ESRRG: variants seen among roughly 807,000 people sequenced by gnomAD.
ESRRG encodes estrogen related receptor gamma, also known as estrogen-related receptor gamma.
Under a neutral mutation model 44.0 loss-of-function variants are expected in ESRRG, and 13 were observed. That is an observed-to-expected ratio of 0.30 (90% CI 0.19 to 0.47). ESRRG has a LOEUF of 0.47. Ranked by LOEUF, ESRRG falls within the 20% of genes least tolerant of loss-of-function variation. The pLI, the probability that ESRRG is intolerant of heterozygous loss-of-function variation, is 1.00. For missense variants in ESRRG, 395 were observed against 580.6 expected (o/e 0.68, Z 3.29); for synonymous variants, 215 against 214.6 (o/e 1.00, Z -0.02).
At chr1:216,653,383 A>T (rs1218051043) in intron 2 of ESRRG, among the ~76,000 whole-genome samples, 3 of 152,194 alleles carry the variant, frequency 2.0e-5, no homozygotes, top group Non-Finnish European at 2.9e-5. Flanking sequence ...TGCTGATTTT[A>T]AAAAATCAAT....
intron 1 of ESRRG, among the ~76,000 whole-genome samples, chr1:217,055,034 C>T (rs761401453): frequency 1.7e-4 from 26 of 152,114 alleles, no homozygotes; most frequent in Non-Finnish European, 3.5e-4. Flanking sequence ...GGTGTGCGAT[C>T]AAGAAAAGTT....
intron 1 of ESRRG, among the ~76,000 whole-genome samples, chr1:217,109,829 G>T (rs913569607): frequency 6.6e-6 from 1 of 152,134 alleles, no homozygotes; most frequent in Non-Finnish European, 1.5e-5. Context: ...AACCCTAAGA[G>T]GCTAGGGGCA....
At chr1:216,808,873 T>C (rs1451367185) in intron 2 of ESRRG, among the ~76,000 whole-genome samples, 2 of 152,188 alleles carry the variant, frequency 1.3e-5, no homozygotes, top group Non-Finnish European at 2.9e-5. Context: ...AACATCAAGT[T>C]TCATATGATA....
At chr1:216,777,768 A>G (rs549572287) in intron 2 of ESRRG, among the ~76,000 whole-genome samples, 73 of 152,232 alleles carry the variant, frequency 4.8e-4, no homozygotes, top group African/African-American at 1.7e-3. Flanking sequence ...CACATAACAC[A>G]TACACATAAA....
At chr1:216,585,846 C>A (rs1037797091) in intron 3 of ESRRG, among the ~76,000 whole-genome samples, 4 of 152,052 alleles carry the variant, frequency 2.6e-5, no homozygotes, top group African/African-American at 9.7e-5. Flanking sequence ...GGAGACCATC[C>A]TGGCTAACAT....
chr1:216,515,534 A>G (rs1175537109), intron 6 of ESRRG, among the ~76,000 whole-genome samples: 1 of 152,152 alleles, frequency 6.6e-6, no homozygotes, highest in East Asian at 1.9e-4. Flanking sequence ...CTTAAGAACA[A>G]CAGAATGCTG....
intron 1 of ESRRG, among the ~76,000 whole-genome samples, chr1:217,105,105 ACATCTAT>A (rs1157906913): frequency 6.6e-6 from 1 of 152,194 alleles, no homozygotes; most frequent in African/African-American, 2.4e-5. Context: ...TTGAGGCATG[ACATCTAT>A]CTGGACCCCT....
At chr1:216,753,175 T>TACACACAC (rs145640833) in intron 2 of ESRRG, among the ~76,000 whole-genome samples, 66 of 149,012 alleles carry the variant, frequency 4.4e-4, no homozygotes, top group African/African-American at 1.5e-3. Flanking sequence ...TATATATTGA[T>TACACACAC]ACACACACAC....
chr1:217,051,877 C>A (rs2086113195), intron 1 of ESRRG, among the ~76,000 whole-genome samples: 1 of 152,186 alleles, frequency 6.6e-6, no homozygotes, highest in Admixed American at 6.5e-5. Flanking sequence ...ATCCTCCCCC[C>A]TCAGCCTCCT....
chr1:216,917,618 A>T lies in ESRRG; in HGVS notation c.-14+21964T>A, dbSNP rs149535903. Among the ~76,000 whole-genome samples the T allele has an allele frequency of 3.9e-4, 60 of 152,266 alleles. 1 individual carries two copies. In the East Asian group the frequency reaches 0.011, roughly 28 times the overall value. On this transcript the variant is annotated intron_variant, in intron 2 of 7. Transcript: ENST00000359162. ...CAGAAATTTGTGAGTCCCTTCCTAC[A>T]ACTGTCTACCTTTCCCACAAGAGCA...
Position 216,639,267 on chromosome 1 carries a change from C to T in ESRRG, c.589+11706G>A, listed in dbSNP as rs573342184. 1.3e-4 allele frequency among the ~76,000 whole-genome samples: 20 copies of T among 152,166 alleles called. 1 individual carries two copies. The highest frequency in any genetic ancestry group is 8.3e-4 in the South Asian group (4 of 4,814). On this transcript the variant is annotated intron_variant, in intron 3 of 6. Coordinates refer to ENST00000408911, the MANE Select transcript of ESRRG (RefSeq NM_001438.4). ...AGAACAACAACAACAATCCCCCACCCGCTCCCAAAAAAGAACAAACTTAAT... is the reference window on the plus strand; with the variant it reads ...AGAACAACAACAACAATCCCCCACCTGCTCCCAAAAAAGAACAAACTTAAT...
At chr1:216,625,350 T>G (rs1574326030) in intron 3 of ESRRG, among the ~76,000 whole-genome samples, 1 of 147,894 alleles carries the variant, frequency 6.8e-6, no homozygotes, top group African/African-American at 2.5e-5. Flanking sequence ...ACCTACCAAA[T>G]GTCCCAATAG....
intron 1 of ESRRG, among the ~76,000 whole-genome samples, chr1:217,122,995 A>G (rs1461411708): frequency 6.6e-6 from 1 of 152,086 alleles, no homozygotes; most frequent in African/African-American, 2.4e-5. Flanking sequence ...CCCAGCCAGC[A>G]CACACACTTC....
Position 216,809,146 on chromosome 1 carries a change from A to G in ESRRG, c.-14+130436T>C, listed in dbSNP as rs115845222. On this transcript the variant is annotated intron_variant, in intron 2 of 7. Coordinates refer to the ESRRG transcript ENST00000359162. ...ATTTTTCCAACTATATCTTTTTGCC[A>G]ATGTTAGTGATAAGTCAAGAAGCCT... 4.1e-3 allele frequency among the ~76,000 whole-genome samples: 623 copies of G among 152,224 alleles called. 4 individuals are homozygous for G. Among genetic ancestry groups the G allele is most frequent in the African/African-American group, 0.014 (587 of 41,542 alleles).
At chr1:216,675,395 C>G (rs888166527) in intron 2 of ESRRG, among the ~76,000 whole-genome samples, 1 of 152,004 alleles carries the variant, frequency 6.6e-6, no homozygotes, top group Non-Finnish European at 1.5e-5. Context: ...AGGTGGGAGA[C>G]TGCTCTATGT....
chr1:216,548,443 T>C lies in ESRRG; in HGVS notation c.862+15776A>G, dbSNP rs189608168. Reference sequence around the variant, plus strand: ...AATGCTCTTTCTTCGATGAATGATGTCCTTCAGTTCTGCTAACAGATGAGG... The same window carrying C: ...AATGCTCTTTCTTCGATGAATGATGCCCTTCAGTTCTGCTAACAGATGAGG... On this transcript the variant is annotated intron_variant, in intron 5 of 6. Transcript: ENST00000408911. Among the ~76,000 whole-genome samples the C allele has an allele frequency of 2.6e-3, 391 of 152,258 alleles. 2 individuals are homozygous for C. Among genetic ancestry groups the C allele is most frequent in the Non-Finnish European group, 2.9e-3 (199 of 68,004 alleles).
At chr1:216,673,271 T>TCCAA (rs2075533872) in intron 2 of ESRRG, among the ~76,000 whole-genome samples, 1 of 152,228 alleles carries the variant, frequency 6.6e-6, no homozygotes, top group African/African-American at 2.4e-5. Context: ...GAGGGGCCGT[T>TCCAA]CCAATCTTCC....
intron 2 of ESRRG, among the ~76,000 whole-genome samples, chr1:216,837,913 C>T: frequency 6.6e-6 from 1 of 152,078 alleles, no homozygotes; most frequent in East Asian, 1.9e-4. Flanking sequence ...TGTTGTTGTT[C>T]CAATAGAGAG....
At chr1:216,846,345 A>G (rs1432290631) in intron 2 of ESRRG, among the ~76,000 whole-genome samples, 1 of 152,144 alleles carries the variant, frequency 6.6e-6, no homozygotes, top group Non-Finnish European at 1.5e-5. Flanking sequence ...ATTTTTACTT[A>G]TAAACAAGGA....
Sources: gnomAD v4.1 joint callset for allele counts (sites outside exome capture counted in the v4.1 genomes callset) on GRCh38, gnomAD v4.1.1 for gene constraint, MANE v1.5 for transcripts, NCBI Gene and HGNC (gene_info 2026-07-23, HGNC 2026-07-21) for gene names.